STRN: variants seen among roughly 807,000 people sequenced by gnomAD.
STRN encodes the protein striatin, also known as protein phosphatase 2 regulatory subunit B'''alpha.
A neutral mutation model predicts 96.3 loss-of-function variants in STRN; 53 were observed. The observed-to-expected ratio is 0.55, with a 90% confidence interval of 0.44 to 0.69. The LOEUF (loss-of-function observed/expected upper bound fraction) is 0.69, where lower values mean the gene tolerates loss of function less well. Ranked by LOEUF, STRN falls within the 30% of genes least tolerant of loss-of-function variation. The pLI is 0.00. For missense variants in STRN, 987 were observed against 963.9 expected, an observed-to-expected ratio of 1.02 and a Z score of -0.32; for synonymous variants, 428 against 355.9, an observed-to-expected ratio of 1.20 and a Z score of -2.28.
chr2:36,915,228 CATAAATATATATATATATAT>C (rs1670061895), intron 3 of STRN, among the ~76,000 whole-genome samples: 1 of 65,294 alleles, frequency 1.5e-5, no homozygotes, highest in Non-Finnish European at 3.1e-5. Flanking sequence ...AAACTGAATA[CATAAATATATATATATATAT>C]ATATATATAT....
intron 6 of STRN, among the ~76,000 whole-genome samples, chr2:36,897,317 G>C (rs1189614791): frequency 6.6e-6 from 1 of 151,660 alleles, no homozygotes; most frequent in South Asian, 2.1e-4. Flanking sequence ...AGTCCTTTTC[G>C]GCATATAGCT....
chr2:36,874,920 A>G (rs1490849894), intron 10 of STRN, among the ~76,000 whole-genome samples: 1 of 152,184 alleles, frequency 6.6e-6, no homozygotes, highest in Non-Finnish European at 1.5e-5. Flanking sequence ...GACATGCAGA[A>G]AATAATTTTA....
intron 1 of STRN, among the ~76,000 whole-genome samples, chr2:36,954,211 T>TA (rs1302446837): frequency 6.6e-6 from 1 of 152,000 alleles, no homozygotes; most frequent in East Asian, 1.9e-4. Context: ...CAGAGCAAGC[T>TA]AAAAAAGCTC....
chr2:36,893,370 T>C (rs901617031), intron 7 of STRN, among the ~76,000 whole-genome samples: 1 of 152,250 alleles, frequency 6.6e-6, no homozygotes, highest in African/African-American at 2.4e-5. Flanking sequence ...ACCTTTTTTT[T>C]ATGAGACGGA....
At chr2:36,851,916 T>C (rs1028110568) in intron 15 of STRN, among the ~76,000 whole-genome samples, 34 of 152,220 alleles carry the variant, frequency 2.2e-4, no homozygotes, top group African/African-American at 8.0e-4. Context: ...AGGTTTGGAA[T>C]CCTAAAAGTC....
At chr2:36,952,731 G>A (rs979943449) in intron 1 of STRN, among the ~76,000 whole-genome samples, 12 of 152,170 alleles carry the variant, frequency 7.9e-5, no homozygotes, top group South Asian at 4.1e-4. Flanking sequence ...AAAAGATAAA[G>A]TACTGGGTTG....
At chr2:36,956,689 T>C (rs1045024961) in intron 1 of STRN, among the ~76,000 whole-genome samples, 1 of 152,222 alleles carries the variant, frequency 6.6e-6, no homozygotes, top group Non-Finnish European at 1.5e-5. Context: ...GCTTCAGTTA[T>C]CAAGATTTTG....
At position 36,964,957 on chromosome 2, in the gene STRN, A is replaced by G. The variant is rs1474809489; in HGVS notation, c.234+1273T>C. ...GATAAAACTGAAACCCAGAGAGGTT[A>G]AAGGATTTCCTCAAGGTCACAGAGC... On this transcript the variant is annotated intron_variant, in intron 1 of 17. Transcript: ENST00000263918. Among the ~76,000 whole-genome samples, 4 of 152,332 alleles carry G rather than the reference A, an allele frequency of 2.6e-5. No individual in the cohort carries two copies. The South Asian group carries it at 8.3e-4, about 32-fold the overall frequency.
rs970956632 is a variant in STRN at position 36,840,675 on chromosome 2, A to G, written c.*8781T>C. On this transcript the variant is annotated 3_prime_UTR_variant, in exon 18 of 18. Coordinates refer to ENST00000263918, the MANE Select transcript of STRN (RefSeq NM_003162.4). Reference sequence around the variant, plus strand: ...CACCAGGCACAGTGCTAAGAGGAACATAAGAAAAACGAACATGGTCTGTGC... The same window carrying G: ...CACCAGGCACAGTGCTAAGAGGAACGTAAGAAAAACGAACATGGTCTGTGC... 6.6e-6 allele frequency: 1 copy of G among 152,170 alleles called. No homozygotes were observed. The highest frequency in any genetic ancestry group is 1.5e-5 in the Non-Finnish European group (1 of 68,034). The allele number at this position is 152,170 out of a possible 1,614,324, so 9.4% of individuals were successfully genotyped here.
chr2:36,914,164 A>AT (rs950329354), intron 3 of STRN, among the ~76,000 whole-genome samples: 12 of 151,998 alleles, frequency 7.9e-5, no homozygotes, highest in Non-Finnish European at 1.6e-4. Flanking sequence ...TAATTTTTTA[A>AT]TTTTTTGGCA....
At chr2:36,887,270 T>TAAATAAAC (rs768743284) in intron 7 of STRN, among the ~76,000 whole-genome samples, 4 of 116,732 alleles carry the variant, frequency 3.4e-5, no homozygotes, top group Non-Finnish European at 5.6e-5. Flanking sequence ...TCTAGTAAAA[T>TAAATAAAC]AAATAAATAA....
intron 1 of STRN, among the ~76,000 whole-genome samples, chr2:36,937,810 CT>C (rs1158336200): frequency 6.6e-6 from 1 of 151,840 alleles, no homozygotes; most frequent in Non-Finnish European, 1.5e-5. Context: ...AGAAAAGAAA[CT>C]TACAGGCTAT....
intron 1 of STRN, among the ~76,000 whole-genome samples, chr2:36,956,145 G>A (rs1345383602): frequency 6.6e-6 from 1 of 152,164 alleles, no homozygotes; most frequent in East Asian, 1.9e-4. Flanking sequence ...TAGCTACTAT[G>A]ATAAACGGAT....
chr2:36,868,518 G>A (rs1572633975), intron 11 of STRN, among the ~76,000 whole-genome samples: 1 of 152,262 alleles, frequency 6.6e-6, no homozygotes, highest in African/African-American at 2.4e-5. Flanking sequence ...TGGATTTAAA[G>A]TCACGTACTT....
intron 12 of STRN, among the ~76,000 whole-genome samples, chr2:36,865,770 C>A (rs1393945836): frequency 6.6e-6 from 1 of 152,020 alleles, no homozygotes; most frequent in Non-Finnish European, 1.5e-5. Context: ...CCATGTTGGC[C>A]AGGCTGGTCT....
chr2:36,965,687 T>TA (rs1220709536), intron 1 of STRN, among the ~76,000 whole-genome samples: 5 of 151,886 alleles, frequency 3.3e-5, no homozygotes, highest in East Asian at 1.9e-4. Context: ...TTTACATATA[T>TA]AAAAAAAGGG....
At position 36,894,125 on chromosome 2, in the gene STRN, G is replaced by A. The variant is rs556251302; in HGVS notation, c.796-92C>T. ...CAATTATTTTCTTCAGAAAGTATAC[G>A]TTTGTTGTGTTAAATAACTGTACTA... is the stretch of plus-strand genomic sequence containing the variant. On this transcript the variant is annotated intron_variant, in intron 6 of 17. Transcript: ENST00000263918. 5.6e-6 allele frequency: 8 copies of A among 1,422,086 alleles called. No individual in the cohort carries two copies. In the African/African-American group the frequency reaches 8.6e-5, roughly 15 times the overall value. The allele number at this position is 1,422,086 out of a possible 1,614,324, so 88.1% of individuals were successfully genotyped here.
At chr2:36,924,176 GA>G (rs1171975416) in intron 2 of STRN, among the ~76,000 whole-genome samples, 1 of 152,016 alleles carries the variant, frequency 6.6e-6, no homozygotes, top group Non-Finnish European at 1.5e-5. Context: ...CTCACATGGT[GA>G]AACCCCATCT....
chr2:36,957,446 G>T (rs571664292), intron 1 of STRN, among the ~76,000 whole-genome samples: 108 of 152,192 alleles, frequency 7.1e-4, no homozygotes, highest in African/African-American at 2.2e-3. Flanking sequence ...AAATTAGCCA[G>T]GCGTGGTGGT....
Sources: allele counts gnomAD v4.1 joint callset (sites outside exome capture counted in the v4.1 genomes callset), GRCh38; gene constraint gnomAD v4.1.1; transcripts MANE v1.5; gene names NCBI Gene and HGNC (gene_info 2026-07-23, HGNC 2026-07-21).